G6PC3: variants seen among roughly 807,000 people sequenced by gnomAD.
G6PC3 encodes glucose-6-phosphatase 3.
A neutral mutation model predicts 38.6 loss-of-function variants in G6PC3; 30 were observed. That is an observed-to-expected ratio of 0.78 (90% CI 0.58 to 1.05). G6PC3 has a LOEUF of 1.05. Among genes scored for constraint, G6PC3 ranks in the 50% least tolerant of loss-of-function variants. The pLI is 0.00. For missense variants in G6PC3, 377 were observed against 443.1 expected (o/e 0.85, Z 1.34); for synonymous variants, 192 against 178.1 (o/e 1.08, Z -0.62).
chr17:44,075,198 C>T, intron 4 of G6PC3, 111 bp downstream of exon 4: 2 of 1,523,566 alleles, frequency 1.3e-6, no homozygotes, highest in Non-Finnish European at 1.8e-6. Flanking sequence ...CCCAGAGGCC[C>T]CCCGTTATGT....
rs764939266 is a variant in G6PC3 at position 44,075,388 on chromosome 17, C to T, written c.614C>T (p.Ala205Val). ...AGCTTCTATGGGTTGACTGCACTGG[C>T]CCTCATGCTAGGCACCAGCCTCATC... ...ELSFYGLTAL[A>V]LMLGTSLIYW... The change falls in exon 5 of 6, where the codon GCC becomes GTC. Residue 205 changes from alanine to valine, a missense_variant. Ala to Val is a moderately conservative substitution (Grantham distance 64). Coordinates refer to ENST00000269097, the MANE Select transcript of G6PC3 (RefSeq NM_138387.4). 9.3e-6 allele frequency: 15 copies of T among 1,614,168 alleles called. No individual in the cohort carries two copies. Among genetic ancestry groups the T allele is most frequent in the Middle Eastern group, 1.6e-4 (1 of 6,062 alleles).
rs1272084939 is a variant in G6PC3, at chr17:44,074,267, G to T, written c.325+1G>T. ...CCCTCTTCTTGTGAGACTGGTCCAG[G>T]TGGGAAGCCTCAAACATTCTCCCTT... On this transcript the variant is annotated splice_donor_variant, in intron 2 of 5. Transcript: ENST00000269097. LOFTEE classifies it high-confidence loss of function. 1 of 1,602,052 alleles carries T rather than the reference G, an allele frequency of 6.2e-7. No homozygotes were observed.
At chr17:44,072,644 T>A (rs2050003058) in intron 1 of G6PC3, 2 of 123,016 alleles carry the variant, frequency 1.6e-5, no homozygotes, top group African/African-American at 5.7e-5. Context: ...TTTTTTTTTT[T>A]ATTCTTTTTG....
At chr17:44,074,037 A>T (rs946755039) in intron 1 of G6PC3, 123 bp from the exon 2 acceptor site, 2 of 781,200 alleles carry the variant, frequency 2.6e-6, no homozygotes, top group Non-Finnish European at 2.4e-6. Flanking sequence ...CAGTGGACAG[A>T]ATCGTAGTCC....
rs1325472135 is a variant in G6PC3 at position 44,074,729 on chromosome 17, A to G, written c.375A>G (p.Ile125Met). The change falls in exon 3 of 6, where the codon ATA (isoleucine) becomes ATG (methionine). Residue 125 changes from isoleucine to methionine, a missense_variant. Transcript: ENST00000269097. Reference protein sequence around the residue: ...CMITGAALWPIMTALSSQVAT... With the variant: ...CMITGAALWPMMTALSSQVAT... ...TCACAGGAGCAGCCCTCTGGCCCAT[A>G]ATGACGGCCCTGTCTTCGCAGGTGG... 5 of 1,613,938 alleles carry G rather than the reference A, an allele frequency of 3.1e-6. No homozygotes were observed. In the South Asian group the frequency reaches 5.5e-5, roughly 18 times the overall value.
At chr17:44,071,400 C>T (rs931598549) in intron 1 of G6PC3, 9 of 785,150 alleles carry the variant, frequency 1.1e-5, no homozygotes, top group Non-Finnish European at 1.8e-5. Context: ...TCAAACTGGT[C>T]TGATGGAAAA....
chr17:44,075,838 G>A lies in G6PC3; in HGVS notation c.836G>A (p.Gly279Glu), dbSNP rs373207529. 8.1e-6 allele frequency: 13 copies of A among 1,611,858 alleles called. No individual in the cohort carries two copies. The highest frequency in any genetic ancestry group is 1.1e-5 in the Non-Finnish European group (13 of 1,180,032). The change falls in exon 6 of 6, where the codon GGA becomes GAA. Residue 279 changes from glycine to glutamate, a missense_variant. By Grantham distance (98) the Gly-to-Glu change is moderately conservative. Coordinates refer to ENST00000269097, the MANE Select transcript of G6PC3 (RefSeq NM_138387.4). ...GCCCAGGTGCGTCGGGCACAGCTGG[G>A]AAATGGCCAGAAGATAGCCTGCCTT... ...CYAQVRRAQL[G>E]NGQKIACLVL... is the part of the protein sequence containing the mutation.
At chr17:44,073,947 A>G in intron 1 of G6PC3, 1 of 594,812 alleles carries the variant, frequency 1.7e-6, no homozygotes. Flanking sequence ...AGGAAAAAAA[A>G]AAGAAAAGAA....
rs1191355690 is a variant in G6PC3, at chr17:44,074,753, G to A, written c.399G>A (p.Val133=). ...WPIMTALSSQ[V]ATRARSRWVR... ...TAATGACGGCCCTGTCTTCGCAGGT[G>A]GCCACTCGGGCCCGCAGGTATACCC... Residue 133 remains valine, a synonymous_variant, in exon 3 of 6, where the codon GTG becomes GTA. Coordinates refer to ENST00000269097, the MANE Select transcript of G6PC3 (RefSeq NM_138387.4). 7.4e-6 allele frequency: 12 copies of A among 1,613,846 alleles called. No individual in the cohort carries two copies. The highest frequency in any genetic ancestry group is 1.0e-5 in the Non-Finnish European group (12 of 1,179,972).
In G6PC3 at chr17:44,070,900, C is replaced by A; in HGVS notation, c.-66C>A. ...TTTGGAGATCAGAGGGTCGACGCTG[C>A]TTCGTTGCCTGGACTCTGGTTTCCG... On this transcript the variant is annotated 5_prime_UTR_variant, in exon 1 of 6. Coordinates refer to ENST00000269097, the MANE Select transcript of G6PC3 (RefSeq NM_138387.4). The A allele has an allele frequency of 2.6e-6, 4 of 1,528,048 alleles. No homozygotes were observed. The highest frequency in any genetic ancestry group is 1.2e-5 in the South Asian group (1 of 83,576). The allele number at this position is 1,528,048 out of a possible 1,614,324, so 94.7% of individuals were successfully genotyped here.
rs1311354040 is a variant in G6PC3, at chr17:44,070,853, C to G, written c.-113C>G. ...GGTGGTGACCGCTGGCGGGGCGGGG[C>G]CTGGGGCTCAGAGGGGTGGGCTTTG... On this transcript the variant is annotated 5_prime_UTR_variant, in exon 1 of 6. Coordinates refer to ENST00000269097, the MANE Select transcript of G6PC3 (RefSeq NM_138387.4). The G allele has an allele frequency of 4.0e-6, 5 of 1,245,324 alleles. No individual in the cohort carries two copies. Among genetic ancestry groups the G allele is most frequent in the Non-Finnish European group, 4.5e-6 (4 of 884,746 alleles). The allele number at this position is 1,245,324 out of a possible 1,614,324, so 77.1% of individuals were successfully genotyped here. A position where few individuals can be genotyped will look rare whatever the true frequency, so the allele number is the denominator to read the frequency against.
rs759844805 is a variant in G6PC3, at chr17:44,075,381, G to A, written c.607G>A (p.Ala203Thr). The change falls in exon 5 of 6, where the codon GCA (alanine) becomes ACA (threonine). Residue 203 changes from alanine to threonine, a missense_variant. Physicochemically the swap from Ala to Thr is moderately conservative, Grantham distance 58 (BLOSUM62 0). Transcript: ENST00000269097. ...ERELSFYGLT[A>T]LALMLGTSLI... Reference sequence around the variant, plus strand: ...GGAGCTAAGCTTCTATGGGTTGACTGCACTGGCCCTCATGCTAGGCACCAG... The same window carrying A: ...GGAGCTAAGCTTCTATGGGTTGACTACACTGGCCCTCATGCTAGGCACCAG... The A allele has an allele frequency of 1.9e-6, 3 of 1,614,164 alleles. No homozygotes were observed.
rs34878178 is a variant in G6PC3, at chr17:44,071,152, A to G, written c.187A>G (p.Ile63Val). Reference protein sequence around the residue: ...VGIAVLWISLITEWLNLIFKW... With the variant: ...VGIAVLWISLVTEWLNLIFKW... ...CATCGCGGTGCTCTGGATCAGCCTCATCACCGAGTGGCTCAACCTCATCTT... is the reference window on the plus strand; with the variant it reads ...CATCGCGGTGCTCTGGATCAGCCTCGTCACCGAGTGGCTCAACCTCATCTT... Residue 63 changes from isoleucine (I) to valine (V), a missense_variant, in exon 1 of 6, where the codon ATC (isoleucine) becomes GTC (valine). Transcript: ENST00000269097. 6.2e-6 allele frequency: 10 copies of G among 1,609,676 alleles called. No individual in the cohort carries two copies. The South Asian group carries it at 1.1e-4, about 18-fold the overall frequency.
intron 1 of G6PC3, chr17:44,073,021 T>C (rs1374867462): frequency 6.6e-6 from 1 of 152,222 alleles, no homozygotes; most frequent in East Asian, 1.9e-4. Context: ...CTTCTGTATA[T>C]CCCTCCCCAG....
At chr17:44,073,796 G>A in intron 1 of G6PC3, 1 of 302,962 alleles carries the variant, frequency 3.3e-6, no homozygotes, top group Non-Finnish European at 6.4e-6. Context: ...GTCTTGCTAT[G>A]TTGCCCAGGC....
At chr17:44,075,270 C>A in intron 4 of G6PC3, 40 bp from the exon 5 acceptor site, 1 of 1,613,128 alleles carries the variant, frequency 6.2e-7, no homozygotes, top group Non-Finnish European at 8.5e-7. Context: ...AGGGTCATAT[C>A]CCCAGACTCC....
Position 44,076,272 on chromosome 17 carries a change from C to T in G6PC3, c.*229C>T. The T allele has an allele frequency of 2.8e-6, 2 of 711,022 alleles. No individual in the cohort carries two copies. The highest frequency in any genetic ancestry group is 5.1e-6 in the Non-Finnish European group (2 of 393,776). The allele number at this position is 711,022 out of a possible 1,614,324, so 44.0% of individuals were successfully genotyped here. A position where few individuals can be genotyped will look rare whatever the true frequency, so the allele number is the denominator to read the frequency against. On this transcript the variant is annotated 3_prime_UTR_variant, in exon 6 of 6. Transcript: ENST00000269097. ...AGCCCCCAAAGAGCAAAGGCAACAG[C>T]AAGACCAGCGGGTTCTTGCAACACT... is the stretch of plus-strand genomic sequence containing the variant.
Position 44,070,861 on chromosome 17 carries a change from T to C in G6PC3, c.-105T>C. Reference sequence around the variant, plus strand: ...CCGCTGGCGGGGCGGGGCCTGGGGCTCAGAGGGGTGGGCTTTGGAGATCAG... The same window carrying C: ...CCGCTGGCGGGGCGGGGCCTGGGGCCCAGAGGGGTGGGCTTTGGAGATCAG... On this transcript the variant is annotated 5_prime_UTR_variant, in exon 1 of 6. Coordinates refer to ENST00000269097, the MANE Select transcript of G6PC3 (RefSeq NM_138387.4). The C allele has an allele frequency of 7.5e-7, 1 of 1,336,970 alleles. No homozygotes were observed. The highest frequency in any genetic ancestry group is 1.0e-6 in the Non-Finnish European group (1 of 967,650). The allele number at this position is 1,336,970 out of a possible 1,614,324, so 82.8% of individuals were successfully genotyped here. A position where few individuals can be genotyped will look rare whatever the true frequency, so the allele number is the denominator to read the frequency against.
At chr17:44,071,526 G>T (rs1386083469) in intron 1 of G6PC3, 15 of 649,928 alleles carry the variant, frequency 2.3e-5, no homozygotes, top group South Asian at 1.2e-4. Flanking sequence ...TGGTTTATGG[G>T]AATTCATATT....
Sources: gnomAD v4.1 joint callset for allele counts on GRCh38, gnomAD v4.1.1 for gene constraint, MANE v1.5 for transcripts, NCBI Gene and HGNC (gene_info 2026-07-23, HGNC 2026-07-21) for gene names.